The following NEK11 variants were observed in gnomAD, a reference collection of about 807,000 sequenced individuals.
The protein encoded by NEK11 is NIMA related kinase 11.
A neutral mutation model predicts 80.7 loss-of-function variants in NEK11; 72 were observed. The observed-to-expected ratio is 0.89, with a 90% CI of 0.74 to 1.08. NEK11 has a LOEUF of 1.08. Ranked by LOEUF, NEK11 falls within the 50% of genes least tolerant of loss-of-function variation. The pLI, the probability that NEK11 is intolerant of heterozygous loss-of-function variation, is 0.00. For missense variants in NEK11, 764 were observed against 763.6 expected (o/e 1.00, Z -0.01); for synonymous variants, 251 against 260.7 (o/e 0.96, Z 0.36).
At chr3:131,337,175 T>C (rs1206843440) in intron 17 of NEK11, among the ~76,000 whole-genome samples, 1 of 152,226 alleles carries the variant, frequency 6.6e-6, no homozygotes, top group African/African-American at 2.4e-5. Flanking sequence ...CGTATGTTTA[T>C]TGTGGCACTA....
At chr3:131,220,111 TTTTG>T (rs1251763010) in intron 14 of NEK11, among the ~76,000 whole-genome samples, 1 of 152,190 alleles carries the variant, frequency 6.6e-6, no homozygotes, top group Non-Finnish European at 1.5e-5. Context: ...CTTTTTGGTT[TTTTG>T]TTTGTTTTGT....
intron 7 of NEK11, among the ~76,000 whole-genome samples, chr3:131,147,206 A>C (rs2088546794): frequency 6.6e-6 from 1 of 152,116 alleles, no homozygotes; most frequent in South Asian, 2.1e-4. Flanking sequence ...TTTCACAGTA[A>C]CATCTATCTA....
At chr3:131,215,033 G>A (rs998535859) in intron 14 of NEK11, among the ~76,000 whole-genome samples, 2 of 152,090 alleles carry the variant, frequency 1.3e-5, no homozygotes, top group Non-Finnish European at 2.9e-5. Flanking sequence ...AAAGCATCAT[G>A]GCAAACCAAG....
chr3:131,147,053 G>T (rs959736895), intron 7 of NEK11, among the ~76,000 whole-genome samples: 2 of 151,936 alleles, frequency 1.3e-5, no homozygotes, highest in Non-Finnish European at 2.9e-5. Context: ...CATTTTATAA[G>T]TTCATAACTT....
At chr3:131,327,253 T>TTGTC (rs1239583608) in intron 17 of NEK11, 1 of 152,256 alleles carries the variant, frequency 6.6e-6, no homozygotes, top group Non-Finnish European at 1.5e-5. Context: ...TTGGTTCCCT[T>TTGTC]TGTCTGTATT....
intron 5 of NEK11, among the ~76,000 whole-genome samples, chr3:131,125,818 T>C (rs1252431317): frequency 1.3e-5 from 2 of 152,226 alleles, no homozygotes; most frequent in Admixed American, 6.5e-5. Flanking sequence ...AGTGAAGAAC[T>C]GTGAAGAGGA....
intron 15 of NEK11, among the ~76,000 whole-genome samples, chr3:131,239,034 G>T (rs1364148420): frequency 6.6e-6 from 1 of 152,046 alleles, no homozygotes; most frequent in South Asian, 2.1e-4. Flanking sequence ...CCTGCATTGA[G>T]GCCACTTCCT....
At chr3:131,334,250 G>T (rs1436336547) in intron 17 of NEK11, among the ~76,000 whole-genome samples, 1 of 152,122 alleles carries the variant, frequency 6.6e-6, no homozygotes, top group African/African-American at 2.4e-5. Context: ...TAAAAGAACA[G>T]AAATTATAAC....
chr3:131,234,999 G>A (rs926485317), intron 15 of NEK11, among the ~76,000 whole-genome samples: 2 of 152,036 alleles, frequency 1.3e-5, no homozygotes, highest in African/African-American at 2.4e-5. Flanking sequence ...AAGGAGAAAG[G>A]CAATAGGGTG....
intron 14 of NEK11, among the ~76,000 whole-genome samples, chr3:131,211,742 T>A (rs2094624120): frequency 6.6e-6 from 1 of 152,210 alleles, no homozygotes; most frequent in Non-Finnish European, 1.5e-5. Flanking sequence ...TGATACCCTC[T>A]CTTCCACTTG....
At chr3:131,308,975 T>C (rs937223878) in intron 17 of NEK11, among the ~76,000 whole-genome samples, 27 of 152,188 alleles carry the variant, frequency 1.8e-4, no homozygotes, top group Admixed American at 5.9e-4. Flanking sequence ...AGAGTTTGTG[T>C]TCCTATGAGA....
chr3:131,165,063 G>T (rs2092072216), intron 11 of NEK11, among the ~76,000 whole-genome samples: 1 of 152,116 alleles, frequency 6.6e-6, no homozygotes, highest in Admixed American at 6.6e-5. Context: ...ACTTTTTATG[G>T]GTTTGTTCAT....
intron 17 of NEK11, among the ~76,000 whole-genome samples, chr3:131,342,277 G>A (rs1156382497): frequency 6.6e-6 from 1 of 152,198 alleles, no homozygotes; most frequent in Non-Finnish European, 1.5e-5. Flanking sequence ...TCTGTAAAAT[G>A]TATCCTTAAT....
At chr3:131,274,900 G>A (rs541097093) in intron 17 of NEK11, among the ~76,000 whole-genome samples, 76 of 151,930 alleles carry the variant, frequency 5.0e-4, no homozygotes, top group African/African-American at 1.6e-3. Context: ...TGATCCACCC[G>A]CCTCGGCCTC....
chr3:131,169,949 C>G (rs768708335), intron 13 of NEK11, among the ~76,000 whole-genome samples: 6 of 152,192 alleles, frequency 3.9e-5, no homozygotes, highest in Non-Finnish European at 8.8e-5. Flanking sequence ...CCTCCTGAAA[C>G]AATTATTATG....
intron 3 of NEK11, among the ~76,000 whole-genome samples, chr3:131,058,634 C>G (rs1437030531): frequency 6.6e-6 from 1 of 152,140 alleles, no homozygotes; most frequent in East Asian, 1.9e-4. Context: ...CTTTATGCCT[C>G]AAGATATCAC....
chr3:131,288,608 G>A (rs1471611944), intron 17 of NEK11, among the ~76,000 whole-genome samples: 1 of 151,554 alleles, frequency 6.6e-6, no homozygotes, highest in Non-Finnish European at 1.5e-5. Context: ...ATGCACCACC[G>A]TGCCTGGCTA....
At chr3:131,327,805 G>C (rs1420298847) in intron 17 of NEK11, 1 of 150,742 alleles carries the variant, frequency 6.6e-6, no homozygotes, top group Non-Finnish European at 1.5e-5. Flanking sequence ...CACCTTCTTG[G>C]GGATTCCAGA....
intron 15 of NEK11, among the ~76,000 whole-genome samples, chr3:131,229,496 C>T (rs1391119542): frequency 1.3e-5 from 2 of 152,104 alleles, no homozygotes; most frequent in Non-Finnish European, 2.9e-5. Flanking sequence ...AAATAAAAGT[C>T]TACCAAAGGG....
Sources: gnomAD v4.1 joint callset for allele counts (sites outside exome capture counted in the v4.1 genomes callset) on GRCh38, gnomAD v4.1.1 for gene constraint, MANE v1.5 for transcripts, NCBI Gene and HGNC (gene_info 2026-07-23, HGNC 2026-07-21) for gene names.